Variants in SGTA observed in about 807,000 individuals in gnomAD.
SGTA encodes small glutamine rich tetratricopeptide repeat co-chaperone alpha, also known as small glutamine-rich tetratricopeptide repeat-containing protein alpha.
SGTA carries 22 observed loss-of-function variants against 44.3 expected under a neutral mutation model. The observed-to-expected ratio is 0.50, with a 90% confidence interval of 0.36 to 0.71. The LOEUF (loss-of-function observed/expected upper bound fraction) is 0.71. Ranked by LOEUF, SGTA falls within the 30% of genes least tolerant of loss-of-function variation. The pLI is 0.00. For synonymous variants in SGTA, 174 were observed against 177.6 expected (o/e 0.98, Z 0.16); for missense variants, 341 against 435.9 (o/e 0.78, Z 1.94).
intron 8 of SGTA, 164 bp from the exon 9 acceptor site, chr19:2,759,458 G>GCC: frequency 1.6e-6 from 1 of 632,838 alleles, no homozygotes. Context: ...CTACATTTTC[G>GCC]CCCCCCCACC....
At chr19:2,764,571 TGGTTTTTTTCGG>T (rs1310072948) in intron 5 of SGTA, among the ~76,000 whole-genome samples, 1 of 151,752 alleles carries the variant, frequency 6.6e-6, no homozygotes. Context: ...CTAATTTTTG[TGGTTTTTTTCGG>T]GGTTTTTTTG....
rs555554038 is a variant in SGTA, at chr19:2,765,922, G to T, written c.293-637C>A. Reference sequence around the variant, plus strand: ...ATAATTTACATGCCACAAAGCTTACGCTTTAAAAATATAAGCCCGGGCGCG... The same window carrying T: ...ATAATTTACATGCCACAAAGCTTACTCTTTAAAAATATAAGCCCGGGCGCG... On this transcript the variant is annotated intron_variant, in intron 4 of 11. Transcript: ENST00000221566. The surrounding 1 kb of genome is among the most constrained non-coding windows in gnomAD (Gnocchi z 5.5). Among the ~76,000 whole-genome samples, 1 of 152,150 alleles carries T rather than the reference G, an allele frequency of 6.6e-6. No homozygotes were observed. Among genetic ancestry groups the T allele is most frequent in the Non-Finnish European group, 1.5e-5 (1 of 68,034 alleles).
intron 1 of SGTA, among the ~76,000 whole-genome samples, chr19:2,774,813 T>C (rs1180006424): frequency 1.3e-5 from 2 of 152,250 alleles, no homozygotes; most frequent in East Asian, 3.9e-4. Flanking sequence ...AGGAAAGCCG[T>C]GGATTCTACT....
chr19:2,771,584 G>GGGA lies in SGTA; in HGVS notation c.-23-2494_-23-2493insTCC, dbSNP rs1555713348. Among the ~76,000 whole-genome samples, 10 of 151,666 alleles carry GGGA rather than the reference G, an allele frequency of 6.6e-5. 1 individual carries two copies. The South Asian group carries it at 1.1e-3, about 16-fold the overall frequency. ...GACAGCACCTCCCCATCGGGGGGGGGGGGAGGGGTACGAGACCAGGCGTGC... is the reference window on the plus strand; with the variant it reads ...GACAGCACCTCCCCATCGGGGGGGGGGGAGGGAGGGGTACGAGACCAGGCGTGC... On this transcript the variant is annotated intron_variant, in intron 1 of 11. Coordinates refer to ENST00000221566, the MANE Select transcript of SGTA (RefSeq NM_003021.4).
intron 1 of SGTA, among the ~76,000 whole-genome samples, chr19:2,782,245 C>G (rs1338190283): frequency 6.6e-6 from 1 of 152,152 alleles, no homozygotes; most frequent in Non-Finnish European, 1.5e-5. Context: ...CAAATGTCAC[C>G]AAGAATCCCT....
At position 2,762,284 on chromosome 19, in the gene SGTA, C is replaced by T. The variant is rs144685084; in HGVS notation, c.636+222G>A. 3.2e-3 allele frequency among the ~76,000 whole-genome samples: 488 copies of T among 152,312 alleles called. 4 individuals carry two copies. The highest frequency in any genetic ancestry group is 0.011 in the African/African-American group (458 of 41,564). ...TTCTGTGCCCCTCCCTCAGCCTCCG[C>T]GGGCAGCCCTGCGGCCGGCCTCCTG... On this transcript the variant is annotated intron_variant, in intron 7 of 11. Transcript: ENST00000221566.
At chr19:2,760,635 T>G (rs1914962761) in intron 8 of SGTA, among the ~76,000 whole-genome samples, 1 of 151,316 alleles carries the variant, frequency 6.6e-6, no homozygotes, top group Non-Finnish European at 1.5e-5. Flanking sequence ...ATGGCCAAGC[T>G]GAGAGGCCCC....
chr19:2,768,241 A>G (rs1441709354), intron 2 of SGTA, among the ~76,000 whole-genome samples: 1 of 151,988 alleles, frequency 6.6e-6, no homozygotes, highest in Non-Finnish European at 1.5e-5. Context: ...GCCAGACAAC[A>G]CTAGCCCTGG....
At chr19:2,764,360 G>A (rs981474309) in intron 5 of SGTA, among the ~76,000 whole-genome samples, 4 of 152,154 alleles carry the variant, frequency 2.6e-5, no homozygotes, top group Non-Finnish European at 4.4e-5. Context: ...TGACATCCAC[G>A]TGGAATGCCA....
intron 9 of SGTA, among the ~76,000 whole-genome samples, chr19:2,758,971 G>A (rs1000511534): frequency 6.6e-6 from 1 of 152,114 alleles, no homozygotes; most frequent in Non-Finnish European, 1.5e-5. Flanking sequence ...TGGTTGTCAG[G>A]GGATAGGAGA....
At chr19:2,772,693 TC>T (rs1185212753) in intron 1 of SGTA, among the ~76,000 whole-genome samples, 1 of 152,204 alleles carries the variant, frequency 6.6e-6, no homozygotes, top group East Asian at 1.9e-4. Context: ...ATAACCAATG[TC>T]CTTATAAAAA....
rs144865569 is a variant in SGTA, at chr19:2,776,130, G to A, written c.-23-7039C>T. Among the ~76,000 whole-genome samples the A allele has an allele frequency of 2.6e-3, 391 of 152,250 alleles. 1 individual carries two copies. The highest frequency in any genetic ancestry group is 7.9e-3 in the African/African-American group (329 of 41,538). The stretch of plus-strand genomic sequence containing the variant: ...CACAAAAGCTGACGTCATCCGCCCC[G>A]GCCAACAGGGTTCAGAGAGCAAACC... On this transcript the variant is annotated intron_variant, in intron 1 of 11. Transcript: ENST00000221566.
In SGTA at chr19:2,765,338, T is replaced by C. The variant is rs1009734405; in HGVS notation, c.293-53A>G. 7.4e-7 allele frequency: 1 copy of C among 1,354,994 alleles called. No individual in the cohort carries two copies. The highest frequency in any genetic ancestry group is 1.0e-6 in the Non-Finnish European group (1 of 959,566). The allele number at this position is 1,354,994 out of a possible 1,614,324, so 83.9% of individuals were successfully genotyped here. A position where few individuals can be genotyped will look rare whatever the true frequency, so the allele number is the denominator to read the frequency against. On this transcript the variant is annotated intron_variant, in intron 4 of 11. Coordinates refer to ENST00000221566, the MANE Select transcript of SGTA (RefSeq NM_003021.4). The surrounding 1 kb of genome is among the most constrained non-coding windows in gnomAD (Gnocchi z 5.5). ...CGGTGTCCACACAGACCGGAGGGGG[T>C]GTCAGGGAGAGAGGAAAACACCGGC...
intron 4 of SGTA, among the ~76,000 whole-genome samples, chr19:2,766,829 T>C (rs1280952601): frequency 6.6e-6 from 1 of 151,888 alleles, no homozygotes; most frequent in Non-Finnish European, 1.5e-5. Context: ...ATATCTAGTA[T>C]CAGGGTGGAA....
Position 2,767,518 on chromosome 19 carries a change from G to A in SGTA, c.207+62C>T. 2.2e-6 allele frequency: 3 copies of A among 1,395,216 alleles called. No individual in the cohort carries two copies. Among genetic ancestry groups the A allele is most frequent in the South Asian group, 1.2e-5 (1 of 85,198 alleles). The allele number at this position is 1,395,216 out of a possible 1,614,324, so 86.4% of individuals were successfully genotyped here. A position where few individuals can be genotyped will look rare whatever the true frequency, so the allele number is the denominator to read the frequency against. On this transcript the variant is annotated intron_variant, in intron 3 of 11. Transcript: ENST00000221566. This position sits in a 1 kb window ranked among gnomAD's most constrained non-coding sequence, Gnocchi z 7.3. ...GAGAGCGGGGCTCCTGGGGTCCCCA[G>A]GGCTGCCTGCTGTTGCTGTTCTTAT... is the stretch of plus-strand genomic sequence containing the variant.
rs537983187 is a variant in SGTA at position 2,761,319 on chromosome 19, C to T, written c.699+141G>A. 111 of 786,100 alleles carry T rather than the reference C, an allele frequency of 1.4e-4. No homozygotes were observed. Among genetic ancestry groups the T allele is most frequent in the Admixed American group, 3.9e-4 (18 of 46,000 alleles). 48.7% of individuals were successfully genotyped at this position (786,100 alleles called of 1,614,324 possible). A position where few individuals can be genotyped will look rare whatever the true frequency, so the allele number is the denominator to read the frequency against. ...TGCCAGCGCCCTGCGGTGCCCAGGA[C>T]GACCCCACAGACAAGACCCATCTGG... On this transcript the variant is annotated intron_variant, in intron 8 of 11. Coordinates refer to ENST00000221566, the MANE Select transcript of SGTA (RefSeq NM_003021.4). The surrounding 1 kb of genome is among the most constrained non-coding windows in gnomAD (Gnocchi z 5.7).
At position 2,767,886 on chromosome 19, in the gene SGTA, C is replaced by T. The variant is rs369458274; in HGVS notation, c.101-200G>A. Among the ~76,000 whole-genome samples the T allele has an allele frequency of 6.6e-6, 1 of 152,150 alleles. No individual in the cohort carries two copies. Among genetic ancestry groups the T allele is most frequent in the Admixed American group, 6.5e-5 (1 of 15,284 alleles). On this transcript the variant is annotated intron_variant, in intron 2 of 11. Transcript: ENST00000221566. The surrounding 1 kb of genome is among the most constrained non-coding windows in gnomAD (Gnocchi z 7.3). ...CCCGAAAAGAAAAGCCAGACAGAGA[C>T]GCCCCGTGCCCCTGAGAGCAGCAGA...
chr19:2,756,746 G>A (rs1156315059), intron 11 of SGTA, among the ~76,000 whole-genome samples: 1 of 152,048 alleles, frequency 6.6e-6, no homozygotes, highest in Non-Finnish European at 1.5e-5. Flanking sequence ...TGAACTCAGG[G>A]GCCCCTGGGG....
intron 1 of SGTA, among the ~76,000 whole-genome samples, chr19:2,771,954 C>G (rs1042122200): frequency 6.6e-5 from 10 of 152,356 alleles, no homozygotes; most frequent in African/African-American, 2.4e-4. Context: ...CACTCCCTGT[C>G]CAGGGCCTCT....
Sources: allele counts gnomAD v4.1 joint callset (sites outside exome capture counted in the v4.1 genomes callset), GRCh38; gene constraint gnomAD v4.1.1; non-coding constraint Gnocchi (gnomAD v3.1); transcripts MANE v1.5; gene names NCBI Gene and HGNC (gene_info 2026-07-23, HGNC 2026-07-21).